The following ZFAND3 variants were observed in gnomAD, a reference collection of about 807,000 sequenced individuals.
The protein encoded by ZFAND3 is AN1-type zinc finger protein 3.
In ZFAND3, 10 loss-of-function variants were observed where a neutral mutation model predicts 29.6. That is an observed-to-expected ratio of 0.34 (90% confidence interval 0.21 to 0.57). The LOEUF (loss-of-function observed/expected upper bound fraction) is 0.57, where lower values mean the gene tolerates loss of function less well. Among genes scored for constraint, ZFAND3 ranks in the 20% least tolerant of loss-of-function variants. The pLI is 0.86. For synonymous variants in ZFAND3, 128 were observed against 112.6 expected (o/e 1.14, Z -0.87); for missense variants, 230 against 304.5 (o/e 0.76, Z 1.82).
intron 4 of ZFAND3, among the ~76,000 whole-genome samples, chr6:38,091,807 G>A (rs1173247697): frequency 2.6e-5 from 4 of 151,434 alleles, no homozygotes; most frequent in East Asian, 3.9e-4. Flanking sequence ...TGGAACAGAC[G>A]GAGCTGAGGC....
At chr6:37,865,697 C>G (rs1764577458) in intron 1 of ZFAND3, among the ~76,000 whole-genome samples, 1 of 152,144 alleles carries the variant, frequency 6.6e-6, no homozygotes, top group Admixed American at 6.5e-5. Flanking sequence ...GTTGTAGACT[C>G]AGGACACGAA....
At position 38,099,538 on chromosome 6, in the gene ZFAND3, C is replaced by T. The variant is rs146296953; in HGVS notation, c.362-17034C>T. On this transcript the variant is annotated intron_variant, in intron 4 of 5. Transcript: ENST00000287218. ...AACTCAGAATTTTAAATAAACTACA[C>T]CTCCATTAGCTCAATAGGACAGGGG... Among the ~76,000 whole-genome samples, 30 of 152,304 alleles carry T rather than the reference C, an allele frequency of 2.0e-4. No individual in the cohort carries two copies. In the East Asian group the frequency reaches 5.4e-3, roughly 27 times the overall value.
chr6:37,857,170 A>G (rs921035951), intron 1 of ZFAND3, among the ~76,000 whole-genome samples: 4 of 152,164 alleles, frequency 2.6e-5, no homozygotes, highest in African/African-American at 9.7e-5. Flanking sequence ...GTGTTTGTGC[A>G]ACTATATTAG....
At chr6:38,146,068 C>G (rs749109551) in intron 5 of ZFAND3, among the ~76,000 whole-genome samples, 6 of 152,238 alleles carry the variant, frequency 3.9e-5, no homozygotes, top group Non-Finnish European at 7.3e-5. Flanking sequence ...TGCCAAGCCA[C>G]AGGCTTGGGC....
intron 1 of ZFAND3, among the ~76,000 whole-genome samples, chr6:37,906,404 G>A (rs1765408392): frequency 6.6e-6 from 1 of 152,064 alleles, no homozygotes. Context: ...TCCATTGTAT[G>A]GATATAACAG....
intron 2 of ZFAND3, among the ~76,000 whole-genome samples, chr6:37,952,767 A>G (rs1161242891): frequency 6.6e-6 from 1 of 151,670 alleles, no homozygotes; most frequent in Non-Finnish European, 1.5e-5. Flanking sequence ...GGTCAGGAAC[A>G]AGTCCTGGTG....
intron 2 of ZFAND3, among the ~76,000 whole-genome samples, chr6:38,009,931 G>A (rs1763117053): frequency 6.6e-6 from 1 of 152,094 alleles, no homozygotes; most frequent in African/African-American, 2.4e-5. Flanking sequence ...GACGGTGGGG[G>A]CGCAAGAGAA....
At chr6:37,827,595 G>A (rs929412987) in intron 1 of ZFAND3, among the ~76,000 whole-genome samples, 1 of 152,228 alleles carries the variant, frequency 6.6e-6, no homozygotes, top group Non-Finnish European at 1.5e-5. Context: ...ATTTCCAGCA[G>A]TAGTGGACAA....
intron 5 of ZFAND3, among the ~76,000 whole-genome samples, chr6:38,150,766 A>T (rs1766204798): frequency 6.6e-6 from 1 of 152,198 alleles, no homozygotes; most frequent in South Asian, 2.1e-4. Context: ...ATGAGGGCTT[A>T]AAAGAAAGAA....
At chr6:38,114,019 G>A (rs1011875192) in intron 4 of ZFAND3, among the ~76,000 whole-genome samples, 1 of 152,220 alleles carries the variant, frequency 6.6e-6, no homozygotes, top group African/African-American at 2.4e-5. Context: ...AGGTGTGCTG[G>A]CATTGTGCCA....
At chr6:38,152,044 A>G (rs13437101) in intron 5 of ZFAND3, among the ~76,000 whole-genome samples, 191 bp from the exon 6 acceptor site, 4,986 of 152,226 alleles carry the variant, frequency 0.033, 222 homozygotes, top group African/African-American at 0.096. Flanking sequence ...TGTGGAATGC[A>G]AAGTGCTGAC....
intron 1 of ZFAND3, among the ~76,000 whole-genome samples, chr6:37,823,144 A>ACGTGTTTC (rs1164307512): frequency 1.3e-5 from 2 of 152,054 alleles, no homozygotes; most frequent in African/African-American, 4.8e-5. Context: ...AATGTGATAT[A>ACGTGTTTC]CGTGTTTCCG....
At chr6:38,149,987 A>G (rs774958598) in intron 5 of ZFAND3, among the ~76,000 whole-genome samples, 7 of 152,150 alleles carry the variant, frequency 4.6e-5, no homozygotes, top group Non-Finnish European at 8.8e-5. Context: ...CTATAGACAC[A>G]TCCTGATGCC....
rs116082579 is a variant in ZFAND3, at chr6:38,013,738, C to A, written c.113-47855C>A. Reference sequence around the variant, plus strand: ...AAAAACTGGAGAGTTAAAAAAAAAACAAAAAAAACCTCCAATGTCCAGGTT... The same window carrying A: ...AAAAACTGGAGAGTTAAAAAAAAAAAAAAAAAAACCTCCAATGTCCAGGTT... On this transcript the variant is annotated intron_variant, in intron 2 of 5. Transcript: ENST00000287218. 0.018 allele frequency among the ~76,000 whole-genome samples: 2,559 copies of A among 145,016 alleles called. 241 individuals carry two copies. The East Asian group carries it at 0.28, about 16-fold the overall frequency.
intron 1 of ZFAND3, among the ~76,000 whole-genome samples, chr6:37,909,151 AC>A (rs1254163650): frequency 6.6e-6 from 1 of 152,160 alleles, no homozygotes; most frequent in Admixed American, 6.5e-5. Flanking sequence ...TTTTGATTTT[AC>A]ATTGATAACT....
chr6:38,089,008 T>G (rs939278388), intron 4 of ZFAND3, among the ~76,000 whole-genome samples: 3 of 152,170 alleles, frequency 2.0e-5, no homozygotes, highest in African/African-American at 4.8e-5. Flanking sequence ...CGGTCACCTG[T>G]TTTCCTTTCA....
intron 3 of ZFAND3, among the ~76,000 whole-genome samples, chr6:38,075,223 C>T (rs1008454151): frequency 3.9e-5 from 6 of 152,216 alleles, no homozygotes; most frequent in Admixed American, 6.5e-5. Flanking sequence ...TCTCATGGAT[C>T]GGCCAAAGTA....
intron 4 of ZFAND3, among the ~76,000 whole-genome samples, chr6:38,113,300 G>A (rs2127483209): frequency 6.6e-6 from 1 of 152,294 alleles, no homozygotes; most frequent in African/African-American, 2.4e-5. Context: ...ATTGTCAGAG[G>A]ATCGAGTAGG....
chr6:38,077,962 T>C (rs534776888), intron 3 of ZFAND3, among the ~76,000 whole-genome samples: 2 of 152,298 alleles, frequency 1.3e-5, no homozygotes, highest in South Asian at 2.1e-4. Context: ...TGGAAAAATA[T>C]AAGAATTCTG....
Sources: allele counts gnomAD v4.1 joint callset (sites outside exome capture counted in the v4.1 genomes callset), GRCh38; gene constraint gnomAD v4.1.1; transcripts MANE v1.5; gene names NCBI Gene and HGNC (gene_info 2026-07-23, HGNC 2026-07-21).